GPM6B: variants seen among roughly 807,000 people sequenced by gnomAD.
The protein encoded by GPM6B is glycoprotein M6B.
A neutral mutation model predicts 27.2 loss-of-function variants in GPM6B; 4 were observed. That is an observed-to-expected ratio of 0.15 (90% CI 0.07 to 0.34). The LOEUF (loss-of-function observed/expected upper bound fraction) is 0.34, where lower values mean the gene tolerates loss of function less well. GPM6B is among the 10% of genes least tolerant of loss of function. The pLI is 1.00. For missense variants in GPM6B, 183 were observed against 261.9 expected (o/e 0.70, Z 2.08); for synonymous variants, 124 against 103.1 (o/e 1.20, Z -1.23).
chrX:13,819,452 A>C, upstream of GPM6B, among the ~76,000 whole-genome samples: 1 of 112,239 alleles, frequency 8.9e-6, no homozygotes. Context: ...TATTTCTTTG[A>C]GCCCCATGCT....
intron 2 of GPM6B, 60 bp from the exon 3 acceptor site, chrX:13,785,868 A>C: frequency 1.1e-6 from 1 of 917,734 alleles, no homozygotes; most frequent in East Asian, 3.2e-5. Flanking sequence ...GGTCTTCAAG[A>C]ATACCCCATA....
intron 2 of GPM6B, among the ~76,000 whole-genome samples, chrX:13,807,331 G>A (rs990917413): frequency 3.6e-5 from 4 of 111,661 alleles, no homozygotes; most frequent in Non-Finnish European, 7.5e-5. Flanking sequence ...ATTGGTTCAG[G>A]CATTGGAAAT....
At chrX:13,929,702 A>G (rs1921388714) in intron 1 of GPM6B, among the ~76,000 whole-genome samples, 1 of 111,319 alleles carries the variant, frequency 9.0e-6, no homozygotes, top group South Asian at 3.8e-4. Context: ...CAACTAGAGG[A>G]CTGTTACAAC....
At chrX:13,788,514 G>C (rs1434218421) in intron 2 of GPM6B, among the ~76,000 whole-genome samples, 4 of 108,654 alleles carry the variant, frequency 3.7e-5, no homozygotes, top group Middle Eastern at 4.7e-3. Flanking sequence ...TATATAACCA[G>C]ATAAAATTGT....
rs1012528459 is a variant in GPM6B at position 13,792,534 on chromosome X, G to A, written c.182-6726C>T. Among the ~76,000 whole-genome samples, 66 of 110,687 alleles carry A rather than the reference G, an allele frequency of 6.0e-4. 2 individuals carry two copies. The highest frequency in any genetic ancestry group is 2.1e-3 in the African/African-American group (63 of 29,860). On this transcript the variant is annotated intron_variant, in intron 2 of 7. Transcript: ENST00000316715. ...GCCAGGGATGCTCCTAAACCTCCTA[G>A]AATACACAGGACAGCCCCCATCCCC...
chrX:13,874,175 A>G (rs1051729828), intron 1 of GPM6B, among the ~76,000 whole-genome samples: 11 of 112,408 alleles, frequency 9.8e-5, no homozygotes, highest in African/African-American at 3.6e-4. Flanking sequence ...ATAAAGATTA[A>G]GGCTCCTTTC....
intron 2 of GPM6B, among the ~76,000 whole-genome samples, chrX:13,787,659 A>ACTC (rs573868467): frequency 8.9e-6 from 1 of 112,705 alleles, no homozygotes; most frequent in South Asian, 3.6e-4. Flanking sequence ...CAGAGATGTT[A>ACTC]GAGCTCAATC....
intron 1 of GPM6B, among the ~76,000 whole-genome samples, chrX:13,877,824 CAAAAAAAAAAAAAA>C (rs761891419): frequency 7.3e-5 from 2 of 27,466 alleles, no homozygotes; most frequent in Admixed American, 8.1e-4. Flanking sequence ...CAGACTCTGC[CAAAAAAAAAAAAAA>C]AAAAAAAAAA....
intron 1 of GPM6B, among the ~76,000 whole-genome samples, chrX:13,884,119 G>A (rs987019057): frequency 1.3e-4 from 14 of 109,366 alleles, no homozygotes; most frequent in Middle Eastern, 5.3e-3. Flanking sequence ...CAGAGGTTGC[G>A]GTGAGCCGAG....
At chrX:13,806,326 G>A (rs2049020553) in intron 2 of GPM6B, among the ~76,000 whole-genome samples, 1 of 112,471 alleles carries the variant, frequency 8.9e-6, no homozygotes, top group Non-Finnish European at 1.9e-5. Context: ...GTTCATCCAT[G>A]TTGTAGCATG....
intron 1 of GPM6B, among the ~76,000 whole-genome samples, chrX:13,815,208 C>T (rs751048471): frequency 1.8e-5 from 2 of 111,460 alleles, no homozygotes; most frequent in Non-Finnish European, 3.8e-5. Flanking sequence ...TTGCAAAGAC[C>T]AAAACGGTTT....
At chrX:13,857,081 C>T (rs2049789971) in intron 1 of GPM6B, among the ~76,000 whole-genome samples, 2 of 111,574 alleles carry the variant, frequency 1.8e-5, no homozygotes, top group South Asian at 7.7e-4. Flanking sequence ...CTTCCATCCT[C>T]ACATCTCCTT....
chrX:13,831,177 TACACACACACACACACAC>T (rs536337642), intron 1 of GPM6B, among the ~76,000 whole-genome samples: 79 of 81,623 alleles, frequency 9.7e-4, no homozygotes, highest in Middle Eastern at 6.1e-3. Flanking sequence ...AAGAGCTCAG[TACACACACACACACACAC>T]ACACACACAC....
intron 1 of GPM6B, among the ~76,000 whole-genome samples, chrX:13,855,026 C>CT (rs5901520): frequency 0.015 from 1,598 of 105,277 alleles, 10 homozygotes; most frequent in Middle Eastern, 0.04. Flanking sequence ...AGCCACTCCC[C>CT]TTTTTTTTTT....
intron 2 of GPM6B, among the ~76,000 whole-genome samples, chrX:13,790,830 C>T (rs751201141): frequency 2.2e-4 from 25 of 112,037 alleles, no homozygotes; most frequent in Admixed American, 2.8e-4. Flanking sequence ...TCTGAGAAGA[C>T]GGGAATTGAG....
chrX:13,911,812 A>C (rs1428894537), intron 1 of GPM6B, among the ~76,000 whole-genome samples: 1 of 112,332 alleles, frequency 8.9e-6, no homozygotes, highest in African/African-American at 3.2e-5. Flanking sequence ...CTCTGCTATA[A>C]GCTGGAATAT....
chrX:13,859,766 G>C (rs777756918), intron 1 of GPM6B, among the ~76,000 whole-genome samples: 1 of 111,380 alleles, frequency 9.0e-6, no homozygotes, highest in South Asian at 3.8e-4. Context: ...GGGATTAGAT[G>C]AGTTAATATA....
intron 1 of GPM6B, among the ~76,000 whole-genome samples, chrX:13,880,492 T>C (rs2050083912): frequency 1.8e-5 from 2 of 108,890 alleles, no homozygotes; most frequent in South Asian, 8.4e-4. Flanking sequence ...CTGGCTAACA[T>C]GGTGAAACCC....
chrX:13,847,169 T>C (rs1211524390), intron 1 of GPM6B, among the ~76,000 whole-genome samples: 1 of 111,947 alleles, frequency 8.9e-6, no homozygotes, highest in Non-Finnish European at 1.9e-5. Flanking sequence ...CACCATCTTA[T>C]ATGTGTGCAA....
Sources: allele counts gnomAD v4.1 joint callset (sites outside exome capture counted in the v4.1 genomes callset), GRCh38; gene constraint gnomAD v4.1.1; transcripts MANE v1.5; gene names NCBI Gene and HGNC (gene_info 2026-07-23, HGNC 2026-07-21).